PTPRD: variants seen among roughly 807,000 people sequenced by gnomAD.
PTPRD encodes the protein protein tyrosine phosphatase receptor type D.
In PTPRD, 34 loss-of-function variants were observed where a neutral mutation model predicts 214.5. The observed-to-expected ratio is 0.16, with a 90% confidence interval of 0.12 to 0.21. The LOEUF is 0.21. Ranked by LOEUF, PTPRD falls within the 10% of genes least tolerant of loss-of-function variation. The probability of loss-of-function intolerance (pLI) is 1.00; values close to 1 mark genes in which losing one functional copy is unlikely to be tolerated. For missense variants in PTPRD, 2,545 were observed against 2,398.7 expected (o/e 1.06, Z -1.27); for synonymous variants, 1,128 against 845.7 (o/e 1.33, Z -5.79).
chr9:8,373,298 A>T (rs1344145683), intron 39 of PTPRD, among the ~76,000 whole-genome samples: 1 of 152,032 alleles, frequency 6.6e-6, no homozygotes, highest in Non-Finnish European at 1.5e-5. Context: ...CGATGTTGAC[A>T]TGACCCTCCT....
At chr9:8,505,298 G>C (rs1253237068) in intron 22 of PTPRD, among the ~76,000 whole-genome samples, 1 of 152,124 alleles carries the variant, frequency 6.6e-6, no homozygotes, top group East Asian at 1.9e-4. Flanking sequence ...TTATCAAATA[G>C]TGTTTGCTAT....
chr9:8,334,440 C>G (rs902541504), intron 43 of PTPRD, among the ~76,000 whole-genome samples: 5 of 147,672 alleles, frequency 3.4e-5, no homozygotes, highest in African/African-American at 1.3e-4. Flanking sequence ...TGAATGACTA[C>G]TGGGTAAATA....
At chr9:9,791,078 T>C (rs2098963754) in intron 5 of PTPRD, among the ~76,000 whole-genome samples, 1 of 152,186 alleles carries the variant, frequency 6.6e-6, no homozygotes, top group Non-Finnish European at 1.5e-5. Context: ...TTAAAATTTC[T>C]ACTCTAGTAA....
chr9:9,255,376 CCTA>C (rs1381781751), intron 9 of PTPRD, among the ~76,000 whole-genome samples: 2 of 151,996 alleles, frequency 1.3e-5, no homozygotes, highest in African/African-American at 4.8e-5. Flanking sequence ...ATTGTTTCCT[CCTA>C]CTTATAGCTC....
chr9:9,260,934 A>C (rs1006650214), intron 9 of PTPRD, among the ~76,000 whole-genome samples: 1 of 151,908 alleles, frequency 6.6e-6, no homozygotes, highest in African/African-American at 2.4e-5. Flanking sequence ...CCAAAGATGA[A>C]TTACTTAGCT....
chr9:10,232,676 T>C (rs1033576106), intron 3 of PTPRD, among the ~76,000 whole-genome samples: 3 of 152,036 alleles, frequency 2.0e-5, no homozygotes, highest in Non-Finnish European at 4.4e-5. Context: ...CTTCCCCTCC[T>C]TTTAAGCTCC....
chr9:8,892,348 C>T (rs1160738360), intron 11 of PTPRD, among the ~76,000 whole-genome samples: 1 of 152,048 alleles, frequency 6.6e-6, no homozygotes, highest in Admixed American at 6.6e-5. Context: ...GACTCTGAAC[C>T]ACTATGTTAG....
At chr9:8,643,767 G>C (rs114182876) in intron 12 of PTPRD, among the ~76,000 whole-genome samples, 6,728 of 152,280 alleles carry the variant, frequency 0.044, 449 homozygotes, top group African/African-American at 0.14. Flanking sequence ...TACTGACCAG[G>C]GTGGAAGGGA....
At chr9:8,997,016 T>C (rs2099399671) in intron 11 of PTPRD, among the ~76,000 whole-genome samples, 1 of 152,136 alleles carries the variant, frequency 6.6e-6, no homozygotes, top group Non-Finnish European at 1.5e-5. Context: ...TAAAAATAGG[T>C]TTAAACAATC....
chr9:9,820,785 T>C (rs2050436765), intron 5 of PTPRD, among the ~76,000 whole-genome samples: 1 of 152,090 alleles, frequency 6.6e-6, no homozygotes, highest in Non-Finnish European at 1.5e-5. Flanking sequence ...GTATATCAGA[T>C]GGCCTGTAGG....
chr9:9,126,067 T>G (rs557932059), intron 10 of PTPRD, among the ~76,000 whole-genome samples: 1 of 152,144 alleles, frequency 6.6e-6, no homozygotes, highest in African/African-American at 2.4e-5. Context: ...GAGATGAGAT[T>G]TACCCTGTTG....
chr9:9,284,149 C>T (rs1035907559), intron 9 of PTPRD, among the ~76,000 whole-genome samples: 8 of 151,534 alleles, frequency 5.3e-5, no homozygotes, highest in East Asian at 2.0e-4. Flanking sequence ...TTTAATTAAA[C>T]GTAAAATAAT....
At chr9:10,053,002 C>CTAA in intron 3 of PTPRD, among the ~76,000 whole-genome samples, 1 of 152,174 alleles carries the variant, frequency 6.6e-6, no homozygotes. Context: ...AAGTGGCATT[C>CTAA]TAATGTAAGA....
chr9:8,417,034 C>T (rs1490118013), intron 35 of PTPRD, among the ~76,000 whole-genome samples: 2 of 151,816 alleles, frequency 1.3e-5, no homozygotes, highest in Non-Finnish European at 2.9e-5. Flanking sequence ...GAGCATAATT[C>T]CTTATTTAAA....
intron 4 of PTPRD, among the ~76,000 whole-genome samples, chr9:9,979,390 T>C (rs998246618): frequency 2.0e-5 from 3 of 152,050 alleles, no homozygotes; most frequent in Non-Finnish European, 4.4e-5. Flanking sequence ...TAAGTGTGTA[T>C]CTTCTGGAAA....
chr9:9,580,318 T>A (rs2090334006), intron 7 of PTPRD, among the ~76,000 whole-genome samples: 1 of 152,124 alleles, frequency 6.6e-6, no homozygotes, highest in Non-Finnish European at 1.5e-5. Context: ...CTAATTTACA[T>A]TCCCACCAAC....
chr9:8,757,078 G>A (rs560358696), intron 11 of PTPRD, among the ~76,000 whole-genome samples: 78 of 152,298 alleles, frequency 5.1e-4, no homozygotes, highest in Non-Finnish European at 9.6e-4. Context: ...GGAGGCAGAG[G>A]TTGCAACAAG....
At chr9:9,692,865 G>C (rs1009434173) in intron 7 of PTPRD, among the ~76,000 whole-genome samples, 9 of 151,368 alleles carry the variant, frequency 5.9e-5, no homozygotes, top group African/African-American at 2.2e-4. Flanking sequence ...TAATTCCTAG[G>C]TATTTAATTT....
chr9:8,920,789 T>G lies in PTPRD; in HGVS notation c.-104+97908A>C, dbSNP rs2098822204. Reference sequence around the variant, plus strand: ...ACAGAGTCTATTATTCCTAAGAAGCTTCTCCATTTTCTTATTTATTTATTT... The same window carrying G: ...ACAGAGTCTATTATTCCTAAGAAGCGTCTCCATTTTCTTATTTATTTATTT... On this transcript the variant is annotated intron_variant, in intron 11 of 45. Coordinates refer to ENST00000381196, the MANE Select transcript of PTPRD (RefSeq NM_002839.4). Among the ~76,000 whole-genome samples the G allele has an allele frequency of 4.0e-5, 6 of 151,546 alleles. No homozygotes were observed. The Admixed American group carries it at 4.0e-4, about 10-fold the overall frequency.
Sources: allele counts gnomAD v4.1 joint callset (sites outside exome capture counted in the v4.1 genomes callset), GRCh38; gene constraint gnomAD v4.1.1; transcripts MANE v1.5; gene names NCBI Gene and HGNC (gene_info 2026-07-23, HGNC 2026-07-21).